The following PIP4K2A variants were observed in gnomAD, a reference collection of about 807,000 sequenced individuals.
The protein encoded by PIP4K2A is phosphatidylinositol 5-phosphate 4-kinase type-2 alpha.
A neutral mutation model predicts 42.9 loss-of-function variants in PIP4K2A; 14 were observed. The ratio of observed to expected loss-of-function variants is 0.33; its 90% CI spans 0.22 to 0.51. The LOEUF is 0.51. PIP4K2A is among the 20% of genes least tolerant of loss of function. PIP4K2A has a pLI of 0.97. For synonymous variants in PIP4K2A, 192 were observed against 192.2 expected, an observed-to-expected ratio of 1.00 and a Z score of 0.01; for missense variants, 434 against 519.8, an observed-to-expected ratio of 0.83 and a Z score of 1.61.
intron 4 of PIP4K2A, among the ~76,000 whole-genome samples, chr10:22,574,050 C>T (rs1837052739): frequency 6.6e-6 from 1 of 152,224 alleles, no homozygotes; most frequent in South Asian, 2.1e-4. Context: ...TGGTTTCCAC[C>T]AAGTTAACTG....
chr10:22,650,006 A>C (rs140976967), intron 1 of PIP4K2A, among the ~76,000 whole-genome samples: 221 of 152,292 alleles, frequency 1.5e-3, no homozygotes, highest in African/African-American at 5.1e-3. Context: ...TCATTAGTCC[A>C]TCAACTCCTT....
chr10:22,596,205 CAAAAAAA>C (rs10681238), intron 3 of PIP4K2A, among the ~76,000 whole-genome samples: 29 of 69,666 alleles, frequency 4.2e-4, no homozygotes, highest in Non-Finnish European at 6.9e-4. Context: ...AACTCCGTCT[CAAAAAAA>C]AAAAAAAAAA....
Position 22,650,636 on chromosome 10 carries a change from G to A in PIP4K2A, c.145-40919C>T, listed in dbSNP as rs941383306. ...ATACTCTCACTTAGGTGCCACTCGC[G>A]GTATAGCAAGAAAGTTAATGTTCTC... is the stretch of plus-strand genomic sequence containing the variant. On this transcript the variant is annotated intron_variant, in intron 1 of 9. Coordinates refer to ENST00000376573, the MANE Select transcript of PIP4K2A (RefSeq NM_005028.5). Among the ~76,000 whole-genome samples, 10 of 152,052 alleles carry A rather than the reference G, an allele frequency of 6.6e-5. No individual in the cohort carries two copies. In the South Asian group the frequency reaches 1.2e-3, roughly 19 times the overall value.
chr10:22,558,627 T>C (rs1052298763), intron 6 of PIP4K2A, among the ~76,000 whole-genome samples: 5 of 152,242 alleles, frequency 3.3e-5, no homozygotes, highest in African/African-American at 1.2e-4. Flanking sequence ...AGAATGTCTA[T>C]ACAAGTTCAT....
chr10:22,562,248 GT>G (rs1249860490), intron 6 of PIP4K2A, among the ~76,000 whole-genome samples: 5 of 148,214 alleles, frequency 3.4e-5, no homozygotes, highest in African/African-American at 1.3e-4. Flanking sequence ...AACAAACAAT[GT>G]TTTTAAGAGT....
At chr10:22,570,209 A>G (rs185873291) in intron 5 of PIP4K2A, among the ~76,000 whole-genome samples, 1 of 152,320 alleles carries the variant, frequency 6.6e-6, no homozygotes, top group African/African-American at 2.4e-5. Context: ...CACAATACAT[A>G]TGTATCTTAT....
At chr10:22,663,951 T>A (rs1333452896) in intron 1 of PIP4K2A, among the ~76,000 whole-genome samples, 1 of 147,098 alleles carries the variant, frequency 6.8e-6, no homozygotes, top group African/African-American at 2.5e-5. Flanking sequence ...ATTAGCTAAA[T>A]CATAATAAAT....
intron 4 of PIP4K2A, among the ~76,000 whole-genome samples, chr10:22,574,281 G>A (rs2130797154): frequency 6.6e-6 from 1 of 152,268 alleles, no homozygotes; most frequent in Middle Eastern, 3.4e-3. Flanking sequence ...AAAGCTCTAT[G>A]TCCACTGACA....
chr10:22,599,631 GACAA>G (rs2130833848), intron 3 of PIP4K2A, among the ~76,000 whole-genome samples: 2 of 152,352 alleles, frequency 1.3e-5, no homozygotes, highest in South Asian at 4.1e-4. Context: ...CGAACAGTTG[GACAA>G]ACATTCAAGT....
chr10:22,681,724 G>A (rs184265852), intron 1 of PIP4K2A, among the ~76,000 whole-genome samples: 143 of 151,700 alleles, frequency 9.4e-4, no homozygotes, highest in Non-Finnish European at 1.5e-3. Context: ...AAAATAAAAC[G>A]CAGGAAAAGA....
At chr10:22,553,982 A>G (rs918516912) in intron 6 of PIP4K2A, among the ~76,000 whole-genome samples, 1 of 151,948 alleles carries the variant, frequency 6.6e-6, no homozygotes, top group Non-Finnish European at 1.5e-5. Flanking sequence ...CAAAAAAGTA[A>G]TAAAACATAT....
At chr10:22,684,068 T>G (rs1192494236) in intron 1 of PIP4K2A, among the ~76,000 whole-genome samples, 1 of 151,464 alleles carries the variant, frequency 6.6e-6, no homozygotes, top group Non-Finnish European at 1.5e-5. Context: ...GAATGTAGTC[T>G]TTTTCCCCCC....
At chr10:22,609,576 C>T (rs1322529560) in intron 2 of PIP4K2A, 44 bp downstream of exon 2, 3 of 1,101,106 alleles carry the variant, frequency 2.7e-6, no homozygotes, top group Non-Finnish European at 4.2e-6. Context: ...ACTTGTACTC[C>T]TAGCAGCCAC....
chr10:22,567,877 C>T lies in PIP4K2A; in HGVS notation c.652G>A (p.Ala218Thr). ...RKYDLKGSTV[A>T]REASDKEKAK... Reference sequence around the variant, plus strand: ...TTTTCTTTGTCACTAGCTTCTCTAGCCACTGTAGAGCCCTGAAACACAAGG... The same window carrying T: ...TTTTCTTTGTCACTAGCTTCTCTAGTCACTGTAGAGCCCTGAAACACAAGG... The change falls in exon 6 of 10, where the codon GCT (alanine) becomes ACT (threonine). Residue 218 changes from alanine to threonine, a missense_variant. Transcript: ENST00000376573. 1 of 1,613,902 alleles carries T rather than the reference C, an allele frequency of 6.2e-7. No homozygotes were observed. Among genetic ancestry groups the T allele is most frequent in the Non-Finnish European group, 8.5e-7 (1 of 1,179,744 alleles).
intron 6 of PIP4K2A, among the ~76,000 whole-genome samples, chr10:22,562,780 C>G (rs1836744012): frequency 6.6e-6 from 1 of 152,152 alleles, no homozygotes; most frequent in Admixed American, 6.5e-5. Context: ...TGCTGACCGT[C>G]CTTCCAGGGA....
chr10:22,550,570 G>T, intron 7 of PIP4K2A, 89 bp downstream of exon 7: 1 of 791,456 alleles, frequency 1.3e-6, no homozygotes, highest in South Asian at 1.4e-5. Context: ...CTTGATTGAA[G>T]ATTTAAATAG....
chr10:22,572,916 C>G (rs1307973161), intron 5 of PIP4K2A, among the ~76,000 whole-genome samples: 1 of 133,796 alleles, frequency 7.5e-6, no homozygotes, highest in Non-Finnish European at 1.5e-5. Flanking sequence ...TTAAAACCCT[C>G]CCCCTCTTTA....
rs918970770 is a variant in PIP4K2A, at chr10:22,535,520, T to C, written c.*1681A>G. The C allele has an allele frequency of 6.6e-6, 1 of 152,236 alleles. No homozygotes were observed. The highest frequency in any genetic ancestry group is 1.5e-5 in the Non-Finnish European group (1 of 68,042). 9.4% of individuals were successfully genotyped at this position (152,236 alleles called of 1,614,324 possible). On this transcript the variant is annotated 3_prime_UTR_variant, in exon 10 of 10. Coordinates refer to ENST00000376573, the MANE Select transcript of PIP4K2A (RefSeq NM_005028.5). ...CTGGACAGCCCTGAAGTAAAGTTCC[T>C]GGAAAAGGCAGTACGGCAGGGAGAT...
At chr10:22,582,485 C>T (rs1005232730) in intron 4 of PIP4K2A, among the ~76,000 whole-genome samples, 15 of 152,112 alleles carry the variant, frequency 9.9e-5, no homozygotes, top group East Asian at 3.8e-4. Flanking sequence ...ACCTGGGCTC[C>T]GGCTTTCAGG....
Sources: allele counts gnomAD v4.1 joint callset (sites outside exome capture counted in the v4.1 genomes callset), GRCh38; gene constraint gnomAD v4.1.1; transcripts MANE v1.5; gene names NCBI Gene and HGNC (gene_info 2026-07-23, HGNC 2026-07-21).